The following PCCA variants were observed in gnomAD, a reference collection of about 807,000 sequenced individuals.
The protein encoded by PCCA is propionyl-CoA carboxylase alpha chain, mitochondrial.
In PCCA, 74 loss-of-function variants were observed where a neutral mutation model predicts 101.3. The observed-to-expected ratio is 0.73, with a 90% CI of 0.61 to 0.89. The LOEUF is 0.89. Among genes scored for constraint, PCCA ranks in the 40% least tolerant of loss-of-function variants. The pLI, the probability that PCCA is intolerant of heterozygous loss-of-function variation, is 0.00. For missense variants in PCCA, 891 were observed against 907.0 expected, an observed-to-expected ratio of 0.98 and a Z score of 0.23; for synonymous variants, 294 against 313.6, an observed-to-expected ratio of 0.94 and a Z score of 0.66.
intron 19 of PCCA, among the ~76,000 whole-genome samples, chr13:100,387,110 C>T (rs373407903): frequency 6.6e-6 from 1 of 152,230 alleles, no homozygotes; most frequent in South Asian, 2.1e-4. Context: ...TGTAAGTACA[C>T]AAAACGCAAT....
At chr13:100,355,457 A>C (rs1045983085) in intron 18 of PCCA, among the ~76,000 whole-genome samples, 11 of 152,162 alleles carry the variant, frequency 7.2e-5, no homozygotes, top group Non-Finnish European at 1.0e-4. Context: ...AGAACTAATG[A>C]GTCCTGGAAG....
At position 100,122,473 on chromosome 13, in the gene PCCA, G is replaced by C. The variant is rs569611621; in HGVS notation, c.300+10412G>C. ...CCATCTGAATCTGGGCTTCTCTTTG[G>C]TTAGTTTTTGATTGTTAAATCTACC... is the stretch of plus-strand genomic sequence containing the variant. On this transcript the variant is annotated intron_variant, in intron 4 of 23. Coordinates refer to ENST00000376285, the MANE Select transcript of PCCA (RefSeq NM_000282.4). Among the ~76,000 whole-genome samples the C allele has an allele frequency of 6.3e-4, 96 of 152,124 alleles. 2 individuals are homozygous for C. The South Asian group carries it at 0.019, about 30-fold the overall frequency.
chr13:100,133,749 C>T (rs749415793), intron 4 of PCCA, among the ~76,000 whole-genome samples: 1 of 152,138 alleles, frequency 6.6e-6, no homozygotes, highest in Non-Finnish European at 1.5e-5. Context: ...ACATTTGAGT[C>T]AGTGGACTGA....
Position 100,116,458 on chromosome 13 carries a change from T to C in PCCA, c.300+4397T>C, listed in dbSNP as rs184137954. ...GGAAAGCCAGCTAACTTGCAAACAATTAATGTTTGATAGAAAAATGTTGGC... is the reference window on the plus strand; with the variant it reads ...GGAAAGCCAGCTAACTTGCAAACAACTAATGTTTGATAGAAAAATGTTGGC... On this transcript the variant is annotated intron_variant, in intron 4 of 23. Transcript: ENST00000376285. 5.3e-5 allele frequency among the ~76,000 whole-genome samples: 8 copies of C among 152,282 alleles called. No homozygotes were observed. The East Asian group carries it at 1.5e-3, about 29-fold the overall frequency.
chr13:100,160,319 A>G (rs2054317848), intron 6 of PCCA, among the ~76,000 whole-genome samples: 2 of 152,078 alleles, frequency 1.3e-5, no homozygotes, highest in South Asian at 4.1e-4. Context: ...CTTGGACAAC[A>G]TGGCGAAACC....
At chr13:100,345,829 A>G (rs113834983) in intron 18 of PCCA, among the ~76,000 whole-genome samples, 1 of 152,260 alleles carries the variant, frequency 6.6e-6, no homozygotes, top group African/African-American at 2.4e-5. Context: ...GTGCTCATTT[A>G]CCATTTCATA....
chr13:100,158,262 TGTG>T (rs2054079573), intron 6 of PCCA, among the ~76,000 whole-genome samples: 1 of 152,278 alleles, frequency 6.6e-6, no homozygotes, highest in Non-Finnish European at 1.5e-5. Flanking sequence ...CTGTCATACG[TGTG>T]GTGCCTCATT....
Position 100,465,876 on chromosome 13 carries a change from C to T in PCCA, c.1899+16571C>T, listed in dbSNP as rs142908919. On this transcript the variant is annotated intron_variant, in intron 21 of 23. Transcript: ENST00000376285. ...TTATGCGAAGAAAATAAACTTTACCCGTCCTGATACTGGATTTGCTTTAGG... is the reference window on the plus strand; with the variant it reads ...TTATGCGAAGAAAATAAACTTTACCTGTCCTGATACTGGATTTGCTTTAGG... Among the ~76,000 whole-genome samples the T allele has an allele frequency of 7.5e-3, 1,135 of 152,316 alleles. 16 individuals are homozygous for T. The highest frequency in any genetic ancestry group is 0.027 in the African/African-American group (1,103 of 41,560).
chr13:100,238,248 CT>C (rs1464356661), intron 8 of PCCA, among the ~76,000 whole-genome samples: 1 of 152,042 alleles, frequency 6.6e-6, no homozygotes, highest in African/African-American at 2.4e-5. Flanking sequence ...CCATTTTCCA[CT>C]TTCGTTATAA....
chr13:100,508,031 T>G (rs1337979754), intron 21 of PCCA, among the ~76,000 whole-genome samples: 1 of 152,216 alleles, frequency 6.6e-6, no homozygotes, highest in African/African-American at 2.4e-5. Context: ...ATAACTGGAA[T>G]GAGCCTTGTG....
At chr13:100,321,653 AATAT>A (rs144131029) in intron 16 of PCCA, among the ~76,000 whole-genome samples, 1 of 144,574 alleles carries the variant, frequency 6.9e-6, no homozygotes, top group Non-Finnish European at 1.5e-5. Flanking sequence ...AGCAATCTAT[AATAT>A]ATATATATGT....
At chr13:100,509,132 G>T (rs948341898) in intron 21 of PCCA, among the ~76,000 whole-genome samples, 1 of 150,174 alleles carries the variant, frequency 6.7e-6, no homozygotes, top group African/African-American at 2.4e-5. Context: ...AGTTAGTGTG[G>T]TGTTCATATT....
intron 16 of PCCA, among the ~76,000 whole-genome samples, chr13:100,310,608 T>C (rs936162820): frequency 6.6e-6 from 1 of 152,188 alleles, no homozygotes; most frequent in African/African-American, 2.4e-5. Flanking sequence ...ATTTATCTAC[T>C]CCATCTGGCT....
At chr13:100,317,443 A>G (rs536298526) in intron 16 of PCCA, among the ~76,000 whole-genome samples, 9 of 152,316 alleles carry the variant, frequency 5.9e-5, no homozygotes, top group Non-Finnish European at 2.9e-5. Context: ...AATCATTCAG[A>G]CATCATCTCA....
intron 4 of PCCA, among the ~76,000 whole-genome samples, chr13:100,124,988 AT>A (rs1157139778): frequency 6.6e-6 from 1 of 152,108 alleles, no homozygotes; most frequent in East Asian, 1.9e-4. Context: ...TTAATTAAAC[AT>A]TTTCTTTTTA....
chr13:100,243,177 T>C (rs1259878420), intron 8 of PCCA, among the ~76,000 whole-genome samples: 1 of 152,232 alleles, frequency 6.6e-6, no homozygotes, highest in African/African-American at 2.4e-5. Flanking sequence ...ATTACAAGTG[T>C]AAGCCACCAC....
intron 4 of PCCA, among the ~76,000 whole-genome samples, chr13:100,135,455 G>A (rs1280393800): frequency 2.0e-5 from 3 of 152,008 alleles, no homozygotes; most frequent in Admixed American, 6.6e-5. Flanking sequence ...AAAAAATTTT[G>A]GTTTCCAGTT....
intron 6 of PCCA, among the ~76,000 whole-genome samples, chr13:100,191,606 A>C (rs191864910): frequency 6.6e-6 from 1 of 152,340 alleles, no homozygotes; most frequent in East Asian, 1.9e-4. Context: ...TTTATACTCC[A>C]CTGCTTCTAA....
chr13:100,494,943 G>A (rs755996259), intron 21 of PCCA, among the ~76,000 whole-genome samples: 1 of 152,058 alleles, frequency 6.6e-6, no homozygotes, highest in South Asian at 2.1e-4. Context: ...CACTGCCTTA[G>A]TTCTCCCTCT....
Sources: allele counts gnomAD v4.1 joint callset (sites outside exome capture counted in the v4.1 genomes callset), GRCh38; gene constraint gnomAD v4.1.1; transcripts MANE v1.5; gene names NCBI Gene and HGNC (gene_info 2026-07-23, HGNC 2026-07-21).